Variants in KCTD7 observed in about 807,000 individuals in gnomAD.
KCTD7 encodes the protein BTB/POZ domain-containing protein KCTD7.
Under a neutral mutation model 27.0 loss-of-function variants are expected in KCTD7, and 15 were observed. The observed-to-expected ratio is 0.56, with a 90% confidence interval of 0.37 to 0.86. KCTD7 has a LOEUF of 0.86. Among genes scored for constraint, KCTD7 ranks in the 40% least tolerant of loss-of-function variants. The pLI is 0.00. For synonymous variants in KCTD7, 159 were observed against 162.7 expected (o/e 0.98, Z 0.17); for missense variants, 299 against 398.9 (o/e 0.75, Z 2.13).
intron 1 of KCTD7, 149 bp downstream of exon 1, chr7:66,629,357 C>G (rs1213321135): frequency 2.0e-6 from 1 of 491,252 alleles, no homozygotes; most frequent in East Asian, 5.3e-5. Context: ...ACCTGCAACT[C>G]CCCCGCCCAC....
Position 66,640,930 on chromosome 7 carries a change from CTG to C in KCTD7, c.*1702_*1703del, listed in dbSNP as rs1335491776. On this transcript the variant is annotated 3_prime_UTR_variant, in exon 4 of 4. Coordinates refer to ENST00000639828, the MANE Select transcript of KCTD7 (RefSeq NM_153033.5). The stretch of plus-strand genomic sequence containing the variant: ...AGATGGGTATAAGGGGAGCTGAAGT[CTG>C]TGTTCATATGAGGAAGAGAAGACCA... The C allele has an allele frequency of 1.7e-5, 17 of 985,508 alleles. No homozygotes were observed. The highest frequency in any genetic ancestry group is 1.9e-5 in the Non-Finnish European group (16 of 830,094). 61.0% of individuals were successfully genotyped at this position (985,508 alleles called of 1,614,324 possible).
intron 2 of KCTD7, among the ~76,000 whole-genome samples, chr7:66,635,231 C>G (rs1029847775): frequency 6.6e-6 from 1 of 151,944 alleles, no homozygotes; most frequent in Non-Finnish European, 1.5e-5. Context: ...AGGATGTTCT[C>G]GAACACCTGG....
chr7:66,628,897 G>C lies in KCTD7; in HGVS notation c.-168G>C, dbSNP rs1004835198. 7.2e-6 allele frequency: 4 copies of C among 556,374 alleles called. No homozygotes were observed. In the African/African-American group the frequency reaches 8.0e-5, roughly 11 times the overall value. The allele number at this position is 556,374 out of a possible 1,614,324, so 34.5% of individuals were successfully genotyped here. A position where few individuals can be genotyped will look rare whatever the true frequency, so the allele number is the denominator to read the frequency against. On this transcript the variant is annotated 5_prime_UTR_variant, in exon 1 of 4. Coordinates refer to ENST00000639828, the MANE Select transcript of KCTD7 (RefSeq NM_153033.5). ...TCAGGCCCCAGCTGGGCGCGAGCGGGTCGGCGTTGAGGGAGCCACCGCCCT... is the reference window on the plus strand; with the variant it reads ...TCAGGCCCCAGCTGGGCGCGAGCGGCTCGGCGTTGAGGGAGCCACCGCCCT...
At chr7:66,631,956 C>T (rs904563915) in intron 1 of KCTD7, among the ~76,000 whole-genome samples, 1 of 152,100 alleles carries the variant, frequency 6.6e-6, no homozygotes, top group African/African-American at 2.4e-5. Context: ...AGCTTGGGGT[C>T]TAGTGGAGTG....
Position 66,639,808 on chromosome 7 carries a change from T to C in KCTD7, c.*576T>C. 8.0e-7 allele frequency: 1 copy of C among 1,249,310 alleles called. No homozygotes were observed. Among genetic ancestry groups the C allele is most frequent in the South Asian group, 3.9e-5 (1 of 25,792 alleles). The allele number at this position is 1,249,310 out of a possible 1,614,324, so 77.4% of individuals were successfully genotyped here. A position where few individuals can be genotyped will look rare whatever the true frequency, so the allele number is the denominator to read the frequency against. ...TCCCAAAATGTGGAAAGACTTTTCT[T>C]TTCCTTCCGGAACATGTTCTTCACC... On this transcript the variant is annotated 3_prime_UTR_variant, in exon 4 of 4. Transcript: ENST00000639828.
chr7:66,638,738 G>A (rs1786643355), intron 3 of KCTD7, 118 bp from the exon 4 acceptor site: 14 of 1,311,334 alleles, frequency 1.1e-5, no homozygotes, highest in South Asian at 5.2e-5. Flanking sequence ...TCCCTTCCCC[G>A]GGAAATCTGT....
chr7:66,630,411 A>C (rs187441549), intron 1 of KCTD7, among the ~76,000 whole-genome samples: 5 of 152,244 alleles, frequency 3.3e-5, no homozygotes, highest in African/African-American at 1.2e-4. Context: ...GGCAACACAG[A>C]CTCCATCTCT....
At chr7:66,638,758 C>A in intron 3 of KCTD7, 98 bp from the exon 4 acceptor site, 1 of 1,462,992 alleles carries the variant, frequency 6.8e-7, no homozygotes. Flanking sequence ...TCTTTCCCCT[C>A]CTGCATCCTG....
chr7:66,633,147 A>G (rs1265111965), intron 1 of KCTD7, 128 bp from the exon 2 acceptor site: 2 of 888,546 alleles, frequency 2.3e-6, no homozygotes, highest in East Asian at 2.6e-5. Context: ...AAGTGTTCAG[A>G]TGGACCCGTG....
At chr7:66,629,920 C>T (rs895592825) in intron 1 of KCTD7, among the ~76,000 whole-genome samples, 1 of 152,130 alleles carries the variant, frequency 6.6e-6, no homozygotes, top group African/African-American at 2.4e-5. Flanking sequence ...GGGGCTTCCA[C>T]GGGTCTTACT....
intron 2 of KCTD7, among the ~76,000 whole-genome samples, chr7:66,635,048 C>G (rs1476209967): frequency 2.1e-5 from 3 of 140,928 alleles, no homozygotes; most frequent in Admixed American, 7.6e-5. Flanking sequence ...GCGTCTTGCT[C>G]TGTTGCCCAA....
In KCTD7 at chr7:66,633,291, C is replaced by A; in HGVS notation, c.161C>A (p.Pro54His). ...TCTTTCCAGTTTCCTGAGGTTGTTCCCCTTAACATCGGAGGGGCTCACTTC... is the reference window on the plus strand; with the variant it reads ...TCTTTCCAGTTTCCTGAGGTTGTTCACCTTAACATCGGAGGGGCTCACTTC... ...LLPQEFPEVV[P>H]LNIGGAHFTT... Residue 54 changes from proline (P) to histidine (H), a missense_variant, in exon 2 of 4, where the codon CCC becomes CAC. Coordinates refer to ENST00000639828, the MANE Select transcript of KCTD7 (RefSeq NM_153033.5). 1 of 1,613,856 alleles carries A rather than the reference C, an allele frequency of 6.2e-7. No individual in the cohort carries two copies. Among genetic ancestry groups the A allele is most frequent in the Non-Finnish European group, 8.5e-7 (1 of 1,179,860 alleles).
chr7:66,629,256 G>A, intron 1 of KCTD7, 48 bp downstream of exon 1: 2 of 898,734 alleles, frequency 2.2e-6, no homozygotes, highest in Non-Finnish European at 2.9e-6. Context: ...GGGCGCGGGG[G>A]AGAAGCGGGC....
rs1220216196 is a variant in KCTD7 at position 66,639,591 on chromosome 7, C to T, written c.*359C>T. On this transcript the variant is annotated 3_prime_UTR_variant, in exon 4 of 4. Coordinates refer to ENST00000639828, the MANE Select transcript of KCTD7 (RefSeq NM_153033.5). ...TTCTGCCCATTTTAGAGCCACGTTA[C>T]CAAATCGATGTAGGCCTAATCACTT... is the stretch of plus-strand genomic sequence containing the variant. 1.5e-6 allele frequency: 2 copies of T among 1,351,592 alleles called. No homozygotes were observed. The highest frequency in any genetic ancestry group is 2.9e-5 in the African/African-American group (2 of 68,292). The allele number at this position is 1,351,592 out of a possible 1,614,324, so 83.7% of individuals were successfully genotyped here.
At position 66,639,433 on chromosome 7, in the gene KCTD7, G is replaced by T; in HGVS notation, c.*201G>T. On this transcript the variant is annotated 3_prime_UTR_variant, in exon 4 of 4. Coordinates refer to ENST00000639828, the MANE Select transcript of KCTD7 (RefSeq NM_153033.5). ...CTCAGGGTTGGGCTCAGGGCTTGCG[G>T]CCTGCAGGCACTCCAGCCAGCGCTC... 12 of 1,466,782 alleles carry T rather than the reference G, an allele frequency of 8.2e-6. No individual in the cohort carries two copies. Among genetic ancestry groups the T allele is most frequent in the Non-Finnish European group, 1.1e-5 (12 of 1,111,050 alleles). The allele number at this position is 1,466,782 out of a possible 1,614,324, so 90.9% of individuals were successfully genotyped here.
intron 1 of KCTD7, among the ~76,000 whole-genome samples, chr7:66,632,344 A>G (rs1786469303): frequency 6.6e-6 from 1 of 151,774 alleles, no homozygotes; most frequent in Admixed American, 6.6e-5. Context: ...AAAATTAGCC[A>G]GTCGTGGTGG....
Position 66,638,890 on chromosome 7 carries a change from G to A in KCTD7, c.528G>A (p.Leu176=). The A allele has an allele frequency of 1.9e-6, 3 of 1,614,060 alleles. No individual in the cohort carries two copies. The highest frequency in any genetic ancestry group is 1.7e-6 in the Non-Finnish European group (2 of 1,180,014). ...AGCGGATTGTGGAGATCGCCCGGCT[G>A]CGTGCGGTCCAGCGGAAGGCCCGCT... ...HLERIVEIAR[L]RAVQRKARFA... Residue 176 remains leucine, a synonymous_variant, in exon 4 of 4, where the codon CTG becomes CTA. Transcript: ENST00000639828.
In KCTD7 at chr7:66,640,263, G is replaced by A; in HGVS notation, c.*1031G>A. 1 of 1,495,406 alleles carries A rather than the reference G, an allele frequency of 6.7e-7. No homozygotes were observed. The highest frequency in any genetic ancestry group is 8.9e-7 in the Non-Finnish European group (1 of 1,127,496). 92.6% of individuals were successfully genotyped at this position (1,495,406 alleles called of 1,614,324 possible). ...CTGGGTGAGACACACAGCTATCCTA[G>A]GAGCCGTAGGAAGACAAAACTTCCC... On this transcript the variant is annotated 3_prime_UTR_variant, in exon 4 of 4. Coordinates refer to ENST00000639828, the MANE Select transcript of KCTD7 (RefSeq NM_153033.5).
chr7:66,639,490 TC>T lies in KCTD7; in HGVS notation c.*260del. ...CCTTTCCTCAAGGCATGGTAGTCTT[TC>T]CTTGAGGCTGATAGCTAGGGCTTGA... On this transcript the variant is annotated 3_prime_UTR_variant, in exon 4 of 4. Transcript: ENST00000639828. 7.1e-7 allele frequency: 1 copy of T among 1,410,170 alleles called. No individual in the cohort carries two copies. Among genetic ancestry groups the T allele is most frequent in the Non-Finnish European group, 9.2e-7 (1 of 1,083,182 alleles). 87.4% of individuals were successfully genotyped at this position (1,410,170 alleles called of 1,614,324 possible).
Sources: allele counts gnomAD v4.1 joint callset (sites outside exome capture counted in the v4.1 genomes callset), GRCh38; gene constraint gnomAD v4.1.1; transcripts MANE v1.5; gene names NCBI Gene and HGNC (gene_info 2026-07-23, HGNC 2026-07-21).